Variants in STAMBP observed in about 807,000 individuals in gnomAD.
The protein encoded by STAMBP is STAM binding protein, also known as STAM-binding protein.
A neutral mutation model predicts 50.7 loss-of-function variants in STAMBP; 31 were observed. The observed-to-expected ratio is 0.61, with a 90% CI of 0.46 to 0.83. The LOEUF (loss-of-function observed/expected upper bound fraction) is 0.83, where lower values mean the gene tolerates loss of function less well. Ranked by LOEUF, STAMBP falls within the 40% of genes least tolerant of loss-of-function variation. STAMBP has a pLI of 0.00. For synonymous variants in STAMBP, 211 were observed against 192.4 expected, an observed-to-expected ratio of 1.10 and a Z score of -0.80; for missense variants, 472 against 518.9, an observed-to-expected ratio of 0.91 and a Z score of 0.88.
At position 73,862,230 on chromosome 2, in the gene STAMBP, A is replaced by G; in HGVS notation, c.1246A>G (p.Arg416Gly). The G allele has an allele frequency of 6.2e-7, 1 of 1,611,604 alleles. No homozygotes were observed. Among genetic ancestry groups the G allele is most frequent in the South Asian group, 1.1e-5 (1 of 90,604 alleles). ...CTGCAGCCACGTGACTGTTGTGGAC[A>G]GAGCAGTGACCATCACAGACCTTCG... The part of the protein sequence containing the change: ...CSCSHVTVVD[R>G]AVTITDLR Residue 416 changes from arginine (R) to glycine (G), a missense_variant, in exon 10 of 10, where the codon AGA becomes GGA. Physicochemically the swap from Arg to Gly is moderately radical, Grantham distance 125. Coordinates refer to ENST00000394070, the MANE Select transcript of STAMBP (RefSeq NM_213622.4).
At chr2:73,859,222 T>A in intron 7 of STAMBP, 32 bp from the exon 8 acceptor site, 1 of 1,554,506 alleles carries the variant, frequency 6.4e-7, no homozygotes, top group Non-Finnish European at 8.9e-7. Flanking sequence ...ATATCCTCGC[T>A]AAGAGTCCTC....
At chr2:73,856,183 C>A (rs976973598) in intron 7 of STAMBP, among the ~76,000 whole-genome samples, 14 of 152,238 alleles carry the variant, frequency 9.2e-5, no homozygotes, top group Admixed American at 6.5e-4. Context: ...TCCTTCCAAA[C>A]AGAATGGTCT....
intron 4 of STAMBP, 36 bp downstream of exon 4, chr2:73,845,298 CT>C: frequency 1.4e-6 from 2 of 1,419,744 alleles, no homozygotes; most frequent in Non-Finnish European, 2.0e-6. Flanking sequence ...AATTATTTTG[CT>C]TTTTTAGGCT....
intron 8 of STAMBP, 65 bp downstream of exon 8, chr2:73,859,431 A>G: frequency 7.9e-7 from 1 of 1,263,170 alleles, no homozygotes; most frequent in East Asian, 2.3e-5. Context: ...CCTCAGGGGA[A>G]AAGGTCTCTA....
At chr2:73,829,771 A>G (rs1342541510) in intron 1 of STAMBP, among the ~76,000 whole-genome samples, 1 of 152,220 alleles carries the variant, frequency 6.6e-6, no homozygotes, top group Non-Finnish European at 1.5e-5. Flanking sequence ...ATTGGCTGAG[A>G]GAAGACTACC....
chr2:73,844,191 A>G (rs1489521963), intron 2 of STAMBP, among the ~76,000 whole-genome samples: 5 of 152,266 alleles, frequency 3.3e-5, no homozygotes, highest in South Asian at 2.1e-4. Flanking sequence ...GATGAAATCT[A>G]GCATCTTATA....
At chr2:73,869,570 AAAAG>A (rs1340972656), downstream of STAMBP, among the ~76,000 whole-genome samples, 1 of 152,178 alleles carries the variant, frequency 6.6e-6, no homozygotes, top group African/African-American at 2.4e-5. Context: ...TTGAAAGAAA[AAAAG>A]AATTTTGGGG....
chr2:73,854,141 A>G (rs540427551), intron 7 of STAMBP, among the ~76,000 whole-genome samples: 14 of 152,326 alleles, frequency 9.2e-5, no homozygotes, highest in Admixed American at 5.2e-4. Flanking sequence ...TCATCTTCAC[A>G]GGGGGAAAAA....
downstream of STAMBP, among the ~76,000 whole-genome samples, chr2:73,868,174 T>C (rs1679041019): frequency 6.6e-6 from 1 of 151,914 alleles, no homozygotes; most frequent in Non-Finnish European, 1.5e-5. Flanking sequence ...AAGTCATTTT[T>C]ATGAGCACAA....
chr2:73,832,585 C>G (rs1201897658), intron 2 of STAMBP, among the ~76,000 whole-genome samples: 4 of 152,030 alleles, frequency 2.6e-5, no homozygotes, highest in Non-Finnish European at 5.9e-5. Flanking sequence ...ATACACATAC[C>G]AGTTTTATCA....
chr2:73,837,763 G>A (rs561117413), intron 2 of STAMBP, among the ~76,000 whole-genome samples: 2 of 152,180 alleles, frequency 1.3e-5, no homozygotes, highest in Middle Eastern at 3.4e-3. Flanking sequence ...TTCACCAGAT[G>A]CCAGAAGGAT....
chr2:73,842,270 C>T (rs1573297581), intron 2 of STAMBP, among the ~76,000 whole-genome samples: 1 of 152,220 alleles, frequency 6.6e-6, no homozygotes, highest in Non-Finnish European at 1.5e-5. Context: ...GTGGAGTCTG[C>T]ACATTCTCCC....
chr2:73,850,564 GTATAAA>G lies in STAMBP; in HGVS notation c.1005+54_1005+59del. On this transcript the variant is annotated intron_variant, in intron 7 of 9. Coordinates refer to ENST00000394070, the MANE Select transcript of STAMBP (RefSeq NM_213622.4). This position sits in a 1 kb window ranked among gnomAD's most constrained non-coding sequence, Gnocchi z 4.3. The stretch of plus-strand genomic sequence containing the variant: ...GTTAGTCTCTGCCTCTCCCATGGTG[GTATAAA>G]TACATGAGTGTTTCTTTGAACAAAG... 5.1e-6 allele frequency: 8 copies of G among 1,562,052 alleles called. No individual in the cohort carries two copies. Among genetic ancestry groups the G allele is most frequent in the Non-Finnish European group, 6.9e-6 (8 of 1,154,826 alleles).
intron 2 of STAMBP, among the ~76,000 whole-genome samples, chr2:73,832,654 G>T (rs191502606): frequency 3.6e-4 from 55 of 152,206 alleles, no homozygotes; most frequent in Non-Finnish European, 5.4e-4. Context: ...TGGCCCTATT[G>T]ACCTTTTGGA....
intron 2 of STAMBP, among the ~76,000 whole-genome samples, chr2:73,842,764 C>T (rs1675558754): frequency 6.6e-6 from 1 of 152,130 alleles, no homozygotes; most frequent in Admixed American, 6.5e-5. Context: ...CATACTTGTA[C>T]ATATATGTAA....
chr2:73,854,267 G>A (rs1471441959), intron 7 of STAMBP, among the ~76,000 whole-genome samples: 3 of 152,200 alleles, frequency 2.0e-5, no homozygotes, highest in East Asian at 3.8e-4. Flanking sequence ...ACCTCAATAA[G>A]GTTGGAGTCT....
intron 1 of STAMBP, among the ~76,000 whole-genome samples, chr2:73,829,858 T>C (rs1478028497): frequency 6.6e-6 from 1 of 152,194 alleles, no homozygotes; most frequent in Non-Finnish European, 1.5e-5. Context: ...CCTGGGCGGA[T>C]TGGAATCCTG....
chr2:73,856,134 T>C (rs1346919090), intron 7 of STAMBP, among the ~76,000 whole-genome samples: 1 of 152,240 alleles, frequency 6.6e-6, no homozygotes, highest in African/African-American at 2.4e-5. Context: ...ATTTAGGTGA[T>C]ATTTTAACTG....
intron 8 of STAMBP, among the ~76,000 whole-genome samples, chr2:73,859,731 T>TAAAAATA (rs1469439929): frequency 6.8e-5 from 7 of 103,128 alleles, no homozygotes; most frequent in African/African-American, 3.3e-4. Flanking sequence ...AAAATAAAAA[T>TAAAAATA]AAAAAATAAG....
Sources: allele counts gnomAD v4.1 joint callset (sites outside exome capture counted in the v4.1 genomes callset), GRCh38; gene constraint gnomAD v4.1.1; non-coding constraint Gnocchi (gnomAD v3.1); transcripts MANE v1.5; gene names NCBI Gene and HGNC (gene_info 2026-07-23, HGNC 2026-07-21).